NELL1: variants seen among roughly 807,000 people sequenced by gnomAD.
NELL1 encodes the protein neural EGFL like 1, also known as protein kinase C-binding protein NELL1.
In NELL1, 76 loss-of-function variants were observed where a neutral mutation model predicts 107.4. That is an observed-to-expected ratio of 0.71 (90% CI 0.59 to 0.86). The LOEUF is 0.86. Ranked by LOEUF, NELL1 falls within the 40% of genes least tolerant of loss-of-function variation. NELL1 has a pLI of 0.00. For synonymous variants in NELL1, 353 were observed against 341.2 expected (o/e 1.03, Z -0.38); for missense variants, 1,024 against 1,005.5 (o/e 1.02, Z -0.25).
chr11:20,887,287 T>C (rs974142585), intron 5 of NELL1, among the ~76,000 whole-genome samples: 1 of 152,238 alleles, frequency 6.6e-6, no homozygotes, highest in East Asian at 1.9e-4. Context: ...CAATTATGAA[T>C]AGAACCACTA....
rs148740004 is a variant in NELL1 at position 20,671,772 on chromosome 11, T to TGGG, written c.55+2000_55+2002dup. On this transcript the variant is annotated intron_variant, in intron 1 of 19. Transcript: ENST00000357134. Reference sequence around the variant, plus strand: ...CAGGCATTTTAATTTTACAGATTGATGGGGGGGGTGGTGGAGAGGTAGGAG... The same window carrying TGGG: ...CAGGCATTTTAATTTTACAGATTGATGGGGGGGGGGGTGGTGGAGAGGTAGGAG... Among the ~76,000 whole-genome samples the TGGG allele has an allele frequency of 9.6e-3, 1,353 of 140,942 alleles. 9 individuals carry two copies. The highest frequency in any genetic ancestry group is 0.012 in the Non-Finnish European group (781 of 63,110). The allele number at this position is 140,942 out of a possible 152,430, so 92.5% of individuals were successfully genotyped here.
intron 15 of NELL1, among the ~76,000 whole-genome samples, chr11:21,493,719 T>C (rs1854897232): frequency 6.6e-6 from 1 of 152,018 alleles, no homozygotes; most frequent in Admixed American, 6.6e-5. Flanking sequence ...CAAGAATGTA[T>C]TATGTATTTA....
chr11:21,314,029 G>T, intron 14 of NELL1, among the ~76,000 whole-genome samples: 1 of 96,620 alleles, frequency 1.0e-5, no homozygotes. Context: ...ACTTGCTCCT[G>T]CTTTTGCCAT....
chr11:20,979,135 A>G (rs756600167), intron 12 of NELL1, among the ~76,000 whole-genome samples: 1 of 152,146 alleles, frequency 6.6e-6, no homozygotes, highest in Non-Finnish European at 1.5e-5. Context: ...CTTTTCCATA[A>G]TTTTTAGCTG....
At chr11:21,113,447 A>T in intron 12 of NELL1, 142 bp from the exon 13 acceptor site, 2 of 770,572 alleles carry the variant, frequency 2.6e-6, no homozygotes, top group Non-Finnish European at 4.0e-6. Flanking sequence ...CTGAATTTTC[A>T]CCTAAGCTTT....
At chr11:20,729,070 T>A (rs1206299656) in intron 2 of NELL1, among the ~76,000 whole-genome samples, 3 of 152,190 alleles carry the variant, frequency 2.0e-5, no homozygotes, top group Admixed American at 2.0e-4. Context: ...ATGGCTATTA[T>A]AAGTGGGATT....
At chr11:21,004,857 A>G (rs1489315019) in intron 12 of NELL1, among the ~76,000 whole-genome samples, 1 of 152,110 alleles carries the variant, frequency 6.6e-6, no homozygotes, top group East Asian at 1.9e-4. Flanking sequence ...TTGAAGTGTT[A>G]CTAGTCTGCT....
At chr11:21,412,682 C>T (rs1159774216) in intron 15 of NELL1, among the ~76,000 whole-genome samples, 1 of 152,008 alleles carries the variant, frequency 6.6e-6, no homozygotes, top group East Asian at 1.9e-4. Flanking sequence ...AGAAGTTTAC[C>T]TCCTTTGAAG....
chr11:20,923,049 A>G (rs2134165832), intron 7 of NELL1, among the ~76,000 whole-genome samples: 1 of 152,256 alleles, frequency 6.6e-6, no homozygotes, highest in South Asian at 2.1e-4. Flanking sequence ...ACTTGAAATC[A>G]CAAAGTCTGG....
intron 9 of NELL1, among the ~76,000 whole-genome samples, chr11:20,930,820 T>TTC (rs1554946138): frequency 1.3e-5 from 2 of 150,860 alleles, no homozygotes; most frequent in African/African-American, 4.9e-5. Flanking sequence ...TTTTTTTTTT[T>TTC]CCCTTTGCAT....
At chr11:21,243,400 T>A (rs1378323654) in intron 14 of NELL1, among the ~76,000 whole-genome samples, 2 of 152,114 alleles carry the variant, frequency 1.3e-5, no homozygotes, top group Non-Finnish European at 2.9e-5. Context: ...CCTCCTAGAC[T>A]GCTTAAAGCT....
At chr11:21,233,412 C>T (rs899479258) in intron 14 of NELL1, among the ~76,000 whole-genome samples, 1 of 152,140 alleles carries the variant, frequency 6.6e-6, no homozygotes, top group Non-Finnish European at 1.5e-5. Flanking sequence ...TTGTCCTCCT[C>T]CTTTTCCTTC....
chr11:21,162,924 G>T (rs1255759110), intron 13 of NELL1, among the ~76,000 whole-genome samples: 2 of 152,172 alleles, frequency 1.3e-5, no homozygotes, highest in African/African-American at 4.8e-5. Context: ...ATATACCCAA[G>T]ATGTTTATAG....
chr11:21,227,119 C>A (rs1857914400), intron 13 of NELL1, among the ~76,000 whole-genome samples: 1 of 152,190 alleles, frequency 6.6e-6, no homozygotes, highest in Non-Finnish European at 1.5e-5. Context: ...AATTGAGAAA[C>A]CTTGATCATT....
chr11:21,184,520 T>G (rs1203628456), intron 13 of NELL1, among the ~76,000 whole-genome samples: 1 of 151,862 alleles, frequency 6.6e-6, no homozygotes, highest in Non-Finnish European at 1.5e-5. Context: ...TCCACCTGCC[T>G]TGGCCTCCCA....
intron 15 of NELL1, among the ~76,000 whole-genome samples, chr11:21,449,215 T>A (rs945207168): frequency 1.3e-5 from 2 of 152,168 alleles, no homozygotes; most frequent in African/African-American, 4.8e-5. Flanking sequence ...TATGTCAACC[T>A]GGGGTACAGT....
chr11:21,161,016 C>G (rs1313239213), intron 13 of NELL1, among the ~76,000 whole-genome samples: 5 of 151,420 alleles, frequency 3.3e-5, no homozygotes, highest in African/African-American at 1.2e-4. Context: ...CACACACACA[C>G]ACACACACAC....
chr11:21,364,559 A>G (rs1009265402), intron 14 of NELL1, among the ~76,000 whole-genome samples: 3 of 152,182 alleles, frequency 2.0e-5, no homozygotes, highest in African/African-American at 7.2e-5. Flanking sequence ...CACTTTATAA[A>G]TGATATAGAA....
intron 12 of NELL1, among the ~76,000 whole-genome samples, chr11:21,104,176 C>T (rs1390263226): frequency 6.6e-6 from 1 of 152,174 alleles, no homozygotes; most frequent in African/African-American, 2.4e-5. Context: ...TCAGTTGAAG[C>T]AGAGTTCACA....
Sources: allele counts gnomAD v4.1 joint callset (sites outside exome capture counted in the v4.1 genomes callset), GRCh38; gene constraint gnomAD v4.1.1; transcripts MANE v1.5; gene names NCBI Gene and HGNC (gene_info 2026-07-23, HGNC 2026-07-21).